Variants in BIRC6 observed in about 807,000 individuals in gnomAD.
BIRC6 encodes baculoviral IAP repeat containing 6.
A neutral mutation model predicts 503.3 loss-of-function variants in BIRC6; 98 were observed. The observed-to-expected ratio is 0.19, with a 90% confidence interval of 0.17 to 0.23. The LOEUF (loss-of-function observed/expected upper bound fraction) is 0.23, where lower values mean the gene tolerates loss of function less well. Among genes scored for constraint, BIRC6 ranks in the 10% least tolerant of loss-of-function variants. The pLI, the probability that BIRC6 is intolerant of heterozygous loss-of-function variation, is 1.00. For synonymous variants in BIRC6, 2,240 were observed against 2,078.7 expected, an observed-to-expected ratio of 1.08 and a Z score of -2.11; for missense variants, 5,360 against 5,806.0, an observed-to-expected ratio of 0.92 and a Z score of 2.50.
chr2:32,445,803 T>C (rs955989076), intron 21 of BIRC6, 135 bp downstream of exon 21: 2 of 584,940 alleles, frequency 3.4e-6, no homozygotes, highest in Non-Finnish European at 5.2e-6. Context: ...TACCTTACTT[T>C]TTCCATACGA....
chr2:32,560,653 G>T (rs1014480554), intron 65 of BIRC6, among the ~76,000 whole-genome samples: 4 of 151,968 alleles, frequency 2.6e-5, no homozygotes, highest in Non-Finnish European at 5.9e-5. Flanking sequence ...TGCTCATAGG[G>T]CACTGCAGCC....
At chr2:32,571,287 C>T (rs1463298974) in intron 65 of BIRC6, among the ~76,000 whole-genome samples, 1 of 150,886 alleles carries the variant, frequency 6.6e-6, no homozygotes, top group Non-Finnish European at 1.5e-5. Context: ...GAATAAACTC[C>T]TCCTTAATTT....
At chr2:32,402,026 G>C (rs2040658790) in intron 8 of BIRC6, among the ~76,000 whole-genome samples, 1 of 152,192 alleles carries the variant, frequency 6.6e-6, no homozygotes, top group Non-Finnish European at 1.5e-5. Flanking sequence ...AATTATGGCA[G>C]TGCTAATGAA....
Position 32,513,102 on chromosome 2 carries a change from G to T in BIRC6, c.10516G>T (p.Glu3506Ter). The stretch of plus-strand genomic sequence containing the variant: ...AGCAGCCATTCTGTGGCATAGTTAT[G>T]AGCTGCTTGTAGAATATGACTTACC... ...CVAAILWHSY[E>*]LLVEYDLPAL... is the part of the protein sequence containing the mutation. Residue 3506 changes from glutamate (E) to a stop codon, truncating the protein, a stop_gained, in exon 54 of 74, where the codon GAG becomes TAG. Coordinates refer to ENST00000421745, the MANE Select transcript of BIRC6 (RefSeq NM_016252.4). LOFTEE classifies it high-confidence loss of function. 1 of 1,613,842 alleles carries T rather than the reference G, an allele frequency of 6.2e-7. No homozygotes were observed. Among genetic ancestry groups the T allele is most frequent in the Non-Finnish European group, 8.5e-7 (1 of 1,179,840 alleles).
At chr2:32,457,894 A>G (rs2047420305) in intron 23 of BIRC6, among the ~76,000 whole-genome samples, 1 of 152,122 alleles carries the variant, frequency 6.6e-6, no homozygotes, top group Non-Finnish European at 1.5e-5. Context: ...ACATTTGTCT[A>G]TTCTTTTTTC....
chr2:32,573,262 G>A (rs1032246477), intron 65 of BIRC6, among the ~76,000 whole-genome samples: 1 of 152,092 alleles, frequency 6.6e-6, no homozygotes, highest in Non-Finnish European at 1.5e-5. Flanking sequence ...GCAGTATGTG[G>A]TCTCAGCTCA....
chr2:32,468,128 A>G lies in BIRC6; in HGVS notation c.5780+17A>G, dbSNP rs972108404. ...ACAGTGCAGGTTAGTACAGAGTGCA[A>G]ATTTTAATGTTATTGAAACTTTGTA... On this transcript the variant is annotated intron_variant, in intron 28 of 73. Coordinates refer to ENST00000421745, the MANE Select transcript of BIRC6 (RefSeq NM_016252.4). The G allele has an allele frequency of 1.2e-6, 2 of 1,606,854 alleles. No homozygotes were observed. The highest frequency in any genetic ancestry group is 1.3e-5 in the African/African-American group (1 of 74,908).
chr2:32,441,266 C>A (rs1370406733), intron 16 of BIRC6, 63 bp from the exon 17 acceptor site: 2 of 1,199,134 alleles, frequency 1.7e-6, no homozygotes, highest in Admixed American at 2.6e-5. Flanking sequence ...TTTATAACTT[C>A]AATGGTAAAT....
intron 10 of BIRC6, 56 bp downstream of exon 10, chr2:32,416,219 G>C (rs1431613798): frequency 6.8e-7 from 1 of 1,467,296 alleles, no homozygotes. Context: ...TATGGCATTT[G>C]TTTATGTGCA....
chr2:32,436,313 C>A (rs2044692507), intron 15 of BIRC6, 129 bp downstream of exon 15: 3 of 815,150 alleles, frequency 3.7e-6, no homozygotes, highest in African/African-American at 1.8e-5. Context: ...CATCAGTTTT[C>A]TGGTAGCTGA....
At chr2:32,486,407 A>G (rs754201536) in intron 40 of BIRC6, among the ~76,000 whole-genome samples, 8 of 152,248 alleles carry the variant, frequency 5.3e-5, no homozygotes, top group South Asian at 2.1e-4. Context: ...GTAGCCTGCC[A>G]GAGCTGGCCA....
chr2:32,471,778 T>C (rs1396833727), intron 32 of BIRC6, among the ~76,000 whole-genome samples: 1 of 152,142 alleles, frequency 6.6e-6, no homozygotes, highest in African/African-American at 2.4e-5. Context: ...CATTGAGATA[T>C]GTAAGCCTAC....
intron 14 of BIRC6, 90 bp downstream of exon 14, chr2:32,435,675 C>T: frequency 3.7e-6 from 5 of 1,355,354 alleles, no homozygotes; most frequent in South Asian, 1.7e-5. Context: ...TTATGGCTTG[C>T]AAAAACTTGG....
In BIRC6 at chr2:32,547,776, T is replaced by C. The variant is rs141700913; in HGVS notation, c.12811-74T>C. ...TTCCATAGTAGCTTCATCATTTTAC[T>C]TTCCCAGTGATAAATATTTTTGAAG... On this transcript the variant is annotated intron_variant, in intron 63 of 73. Transcript: ENST00000421745. 5 of 1,294,402 alleles carry C rather than the reference T, an allele frequency of 3.9e-6. No individual in the cohort carries two copies. In the East Asian group the frequency reaches 1.1e-4, roughly 27 times the overall value. The allele number at this position is 1,294,402 out of a possible 1,614,324, so 80.2% of individuals were successfully genotyped here.
intron 66 of BIRC6, among the ~76,000 whole-genome samples, chr2:32,579,371 C>T (rs1055455716): frequency 2.6e-5 from 4 of 151,860 alleles, no homozygotes; most frequent in Admixed American, 6.6e-5. Flanking sequence ...GGTTTGTGCG[C>T]CCCCAAGCCC....
chr2:32,419,656 C>T (rs2042735468), intron 10 of BIRC6, among the ~76,000 whole-genome samples: 1 of 152,040 alleles, frequency 6.6e-6, no homozygotes, highest in African/African-American at 2.4e-5. Flanking sequence ...TTTTAAAAGG[C>T]CGCAATTAAT....
intron 65 of BIRC6, among the ~76,000 whole-genome samples, chr2:32,562,586 A>G (rs566047288): frequency 3.9e-5 from 6 of 152,332 alleles, no homozygotes; most frequent in East Asian, 1.9e-4. Flanking sequence ...AAGAAATTCT[A>G]TTAATCCTGC....
chr2:32,462,782 C>T (rs879569666), intron 23 of BIRC6, among the ~76,000 whole-genome samples: 10 of 151,980 alleles, frequency 6.6e-5, no homozygotes, highest in African/African-American at 9.7e-5. Flanking sequence ...ATGGCGAGAC[C>T]GCATCTCTAC....
chr2:32,556,462 T>C (rs1455669428), intron 65 of BIRC6, among the ~76,000 whole-genome samples: 1 of 152,212 alleles, frequency 6.6e-6, no homozygotes, highest in African/African-American at 2.4e-5. Flanking sequence ...GTAGTCCAGC[T>C]ATTAAGAAAA....
Sources: gnomAD v4.1 joint callset for allele counts (sites outside exome capture counted in the v4.1 genomes callset) on GRCh38, gnomAD v4.1.1 for gene constraint, MANE v1.5 for transcripts, NCBI Gene and HGNC (gene_info 2026-07-23, HGNC 2026-07-21) for gene names.